HS1BP3: variants seen among roughly 807,000 people sequenced by gnomAD.
HS1BP3 encodes HCLS1 binding protein 3.
HS1BP3 carries 32 observed loss-of-function variants against 33.5 expected under a neutral mutation model. That is an observed-to-expected ratio of 0.95 (90% confidence interval 0.72 to 1.28). The LOEUF is 1.28. HS1BP3 is among the 50% of genes most tolerant of loss of function. The pLI, the probability that HS1BP3 is intolerant of heterozygous loss-of-function variation, is 0.00. For missense variants in HS1BP3, 486 were observed against 502.3 expected, an observed-to-expected ratio of 0.97 and a Z score of 0.31; for synonymous variants, 187 against 209.2, an observed-to-expected ratio of 0.89 and a Z score of 0.92.
chr2:20,605,124 T>C (rs1694147549), intron 2 of HS1BP3, among the ~76,000 whole-genome samples: 1 of 152,196 alleles, frequency 6.6e-6, no homozygotes. Flanking sequence ...GTCTTCAGTT[T>C]AGATGCAGCC....
At chr2:20,613,187 C>T (rs939459040), downstream of HS1BP3, among the ~76,000 whole-genome samples, 1 of 152,194 alleles carries the variant, frequency 6.6e-6, no homozygotes, top group African/African-American at 2.4e-5. Flanking sequence ...AGGGGAAAAT[C>T]AGCAAAGTGG....
exon 4 of HS1BP3, chr2:20,592,657 G>A (rs1165297121): frequency 6.6e-6 from 1 of 152,488 alleles, no homozygotes; most frequent in East Asian, 1.9e-4. Flanking sequence ...GTGTCAGCAG[G>A]ACCCTGCGCC....
chr2:20,576,252 G>A (rs1427120758), intron 5 of HS1BP3, among the ~76,000 whole-genome samples: 2 of 152,188 alleles, frequency 1.3e-5, no homozygotes, highest in Non-Finnish European at 2.9e-5. Flanking sequence ...AGTGTTCTGG[G>A]ATTATAGGTG....
At chr2:20,626,096 G>A (rs187968712) in intron 4 of HS1BP3, among the ~76,000 whole-genome samples, 242 of 152,244 alleles carry the variant, frequency 1.6e-3, no homozygotes, top group African/African-American at 4.6e-3. Flanking sequence ...TTGGTAACAC[G>A]CTGCGGCAAA....
chr2:20,641,962 GC>G (rs1232631333), intron 2 of HS1BP3, among the ~76,000 whole-genome samples: 2 of 152,096 alleles, frequency 1.3e-5, no homozygotes, highest in African/African-American at 4.8e-5. Flanking sequence ...CAGTGCCATC[GC>G]CGTGTCTGTA....
intron 1 of HS1BP3, among the ~76,000 whole-genome samples, chr2:20,648,750 A>T (rs942628699): frequency 6.6e-6 from 1 of 152,098 alleles, no homozygotes; most frequent in African/African-American, 2.4e-5. Context: ...GCCTCCTTCC[A>T]GCTGCAGCTG....
chr2:20,574,228 A>G (rs1352088601), intron 5 of HS1BP3, among the ~76,000 whole-genome samples: 1 of 152,188 alleles, frequency 6.6e-6, no homozygotes, highest in Non-Finnish European at 1.5e-5. Flanking sequence ...GGCTCGTGAG[A>G]CTCAAAACAA....
At chr2:20,648,059 A>G (rs1695569835) in intron 1 of HS1BP3, among the ~76,000 whole-genome samples, 1 of 152,142 alleles carries the variant, frequency 6.6e-6, no homozygotes, top group Admixed American at 6.5e-5. Context: ...CCTAAGGCCA[A>G]CCTTCTACCA....
intron 2 of HS1BP3, among the ~76,000 whole-genome samples, chr2:20,642,246 C>A (rs1225494484): frequency 6.6e-6 from 1 of 152,216 alleles, no homozygotes; most frequent in Non-Finnish European, 1.5e-5. Flanking sequence ...GCATCTGACG[C>A]CCTCGGGCTC....
chr2:20,579,436 C>T (rs181929410), intron 5 of HS1BP3, among the ~76,000 whole-genome samples: 14 of 152,348 alleles, frequency 9.2e-5, no homozygotes, highest in African/African-American at 3.1e-4. Context: ...CTGAAAGATC[C>T]TCCGGCACAA....
intron 1 of HS1BP3, among the ~76,000 whole-genome samples, chr2:20,649,867 G>A (rs919719357): frequency 1.2e-4 from 18 of 152,188 alleles, no homozygotes; most frequent in African/African-American, 4.1e-4. Flanking sequence ...GCGGGGCAGG[G>A]AGGGAAGCCA....
chr2:20,615,465 T>C (rs1694405026), downstream of HS1BP3, among the ~76,000 whole-genome samples: 1 of 152,050 alleles, frequency 6.6e-6, no homozygotes, highest in Non-Finnish European at 1.5e-5. Flanking sequence ...GCGATCAGAG[T>C]TTGTAGTGAG....
chr2:20,556,938 C>T (rs1218967289), downstream of HS1BP3, among the ~76,000 whole-genome samples: 1 of 152,194 alleles, frequency 6.6e-6, no homozygotes, highest in Non-Finnish European at 1.5e-5. Context: ...GTGCAGCCCG[C>T]AGCTGGGATT....
chr2:20,560,761 C>G (rs1027637752), intron 5 of HS1BP3, among the ~76,000 whole-genome samples: 2 of 152,124 alleles, frequency 1.3e-5, no homozygotes, highest in Non-Finnish European at 2.9e-5. Context: ...TGGCTCTTGC[C>G]TTCATCCCTA....
At chr2:20,558,381 C>G (rs185637782), downstream of HS1BP3, among the ~76,000 whole-genome samples, 6 of 152,284 alleles carry the variant, frequency 3.9e-5, no homozygotes, top group East Asian at 1.2e-3. Flanking sequence ...ACACCTGGTA[C>G]TTTTGTGCCT....
intron 2 of HS1BP3, among the ~76,000 whole-genome samples, chr2:20,608,713 C>T (rs767812966): frequency 3.3e-5 from 5 of 152,096 alleles, no homozygotes; most frequent in Admixed American, 1.3e-4. Context: ...CCAGGGTGTC[C>T]GGCTGTCACC....
chr2:20,556,567 A>C (rs781638628), downstream of HS1BP3, among the ~76,000 whole-genome samples: 1 of 152,198 alleles, frequency 6.6e-6, no homozygotes, highest in Non-Finnish European at 1.5e-5. Context: ...GTCGATTTCA[A>C]CATAGCTCTT....
chr2:20,592,446 A>G (rs2149279620), downstream of HS1BP3: 1 of 165,920 alleles, frequency 6.0e-6, no homozygotes, highest in East Asian at 2.0e-4. Context: ...TGACTCCCCG[A>G]CAGCTCTGTC....
At position 20,618,483 on chromosome 2, in the gene HS1BP3, T is replaced by C; in HGVS notation, c.*504A>G. 1 of 158,808 alleles carries C rather than the reference T, an allele frequency of 6.3e-6. No homozygotes were observed. Among genetic ancestry groups the C allele is most frequent in the Non-Finnish European group, 1.4e-5 (1 of 73,710 alleles). 9.8% of individuals were successfully genotyped at this position (158,808 alleles called of 1,614,324 possible). A position where few individuals can be genotyped will look rare whatever the true frequency, so the allele number is the denominator to read the frequency against. On this transcript the variant is annotated 3_prime_UTR_variant, in exon 7 of 7. Transcript: ENST00000304031. ...CGTCCCCACCCCAGGCCCAGGCCAGTCAGTCACCCAGGCTACAGCTTAGGG... is the reference window on the plus strand; with the variant it reads ...CGTCCCCACCCCAGGCCCAGGCCAGCCAGTCACCCAGGCTACAGCTTAGGG...
Sources: allele counts gnomAD v4.1 joint callset (sites outside exome capture counted in the v4.1 genomes callset), GRCh38; gene constraint gnomAD v4.1.1; transcripts MANE v1.5; gene names NCBI Gene and HGNC (gene_info 2026-07-23, HGNC 2026-07-21).